ELOVL6: variants seen among roughly 807,000 people sequenced by gnomAD.
ELOVL6 encodes very long chain fatty acid elongase 6.
ELOVL6 carries 8 observed loss-of-function variants against 31.7 expected under a neutral mutation model. The ratio of observed to expected loss-of-function variants is 0.25; its 90% CI spans 0.15 to 0.45. The LOEUF is 0.45. Ranked by LOEUF, ELOVL6 falls within the 20% of genes least tolerant of loss-of-function variation. ELOVL6 has a pLI of 1.00. For missense variants in ELOVL6, 126 were observed against 326.4 expected (o/e 0.39, Z 4.73); for synonymous variants, 101 against 117.7 (o/e 0.86, Z 0.92).
At position 110,183,372 on chromosome 4, in the gene ELOVL6, C is replaced by T. The variant is rs576492753; in HGVS notation, c.89+14875G>A. 4.0e-4 allele frequency among the ~76,000 whole-genome samples: 61 copies of T among 152,274 alleles called. 1 individual carries two copies. The highest frequency in any genetic ancestry group is 8.5e-4 in the Admixed American group (13 of 15,300). On this transcript the variant is annotated intron_variant, in intron 1 of 3. Transcript: ENST00000302274. Reference sequence around the variant, plus strand: ...AATTCAAGTTGTCCTGCTTTCCGGGCAGAACCAATATATACCTCACATGTA... The same window carrying T: ...AATTCAAGTTGTCCTGCTTTCCGGGTAGAACCAATATATACCTCACATGTA...
chr4:110,173,701 AAT>A (rs869114438), intron 1 of ELOVL6, among the ~76,000 whole-genome samples: 2 of 121,180 alleles, frequency 1.7e-5, no homozygotes, highest in East Asian at 2.7e-4. Flanking sequence ...TAATAATAAT[AAT>A]AAATTCCTCG....
At chr4:110,186,822 A>ATATATATATAT (rs1491476869) in intron 1 of ELOVL6, among the ~76,000 whole-genome samples, 1 of 59,416 alleles carries the variant, frequency 1.7e-5, no homozygotes, top group African/African-American at 6.7e-5. Flanking sequence ...AAAAAAAAAA[A>ATATATATATAT]ATATATATAT....
chr4:110,139,626 T>C (rs898300231), intron 1 of ELOVL6, among the ~76,000 whole-genome samples: 1 of 152,198 alleles, frequency 6.6e-6, no homozygotes, highest in African/African-American at 2.4e-5. Context: ...TGACTTCCTC[T>C]TCTCATCAAC....
At chr4:110,067,688 A>G (rs569628272) in intron 2 of ELOVL6, among the ~76,000 whole-genome samples, 1 of 152,250 alleles carries the variant, frequency 6.6e-6, no homozygotes, top group Non-Finnish European at 1.5e-5. Flanking sequence ...AAGAACATCA[A>G]GATGCACGAT....
intron 1 of ELOVL6, among the ~76,000 whole-genome samples, chr4:110,143,937 C>G (rs1000650859): frequency 6.6e-6 from 1 of 151,624 alleles, no homozygotes; most frequent in African/African-American, 2.4e-5. Context: ...GTCTGTAATC[C>G]CAGCTACTCG....
intron 1 of ELOVL6, among the ~76,000 whole-genome samples, chr4:110,175,039 TA>T (rs1759059283): frequency 6.7e-6 from 1 of 150,112 alleles, no homozygotes; most frequent in African/African-American, 2.5e-5. Flanking sequence ...ATTTATAATT[TA>T]AAAAACTAAA....
At chr4:110,122,643 G>T (rs1418365714) in intron 1 of ELOVL6, among the ~76,000 whole-genome samples, 2 of 152,186 alleles carry the variant, frequency 1.3e-5, no homozygotes, top group African/African-American at 4.8e-5. Flanking sequence ...CTCCCAGAGT[G>T]CTGGGATTAC....
At chr4:110,071,860 T>C (rs1456789326) in intron 2 of ELOVL6, among the ~76,000 whole-genome samples, 1 of 152,220 alleles carries the variant, frequency 6.6e-6, no homozygotes, top group Non-Finnish European at 1.5e-5. Flanking sequence ...AATACAGGGA[T>C]ATACAGACCT....
chr4:110,197,859 A>G (rs527955703), intron 1 of ELOVL6: 19 of 248,706 alleles, frequency 7.6e-5, no homozygotes, highest in Middle Eastern at 2.9e-3. Context: ...CGGTTGCGGG[A>G]GAGGCCAAGC....
intron 1 of ELOVL6, among the ~76,000 whole-genome samples, chr4:110,186,565 A>C (rs114290391): frequency 0.032 from 4,835 of 151,830 alleles, 113 homozygotes; most frequent in Non-Finnish European, 0.045. Context: ...TAATCCCAGC[A>C]CTTCAGGAGG....
chr4:110,068,829 C>T lies in ELOVL6; in HGVS notation c.222-9075G>A, dbSNP rs367973717. Among the ~76,000 whole-genome samples the T allele has an allele frequency of 7.9e-5, 12 of 152,152 alleles. No individual in the cohort carries two copies. The East Asian group carries it at 1.4e-3, about 17-fold the overall frequency. ...ATAAAAACCACCTGGCAGAGTGAGG[C>T]GTGAGGAGGGGTGGAGAGATTATAA... On this transcript the variant is annotated intron_variant, in intron 2 of 3. Coordinates refer to ENST00000302274, the MANE Select transcript of ELOVL6 (RefSeq NM_024090.3).
intron 3 of ELOVL6, among the ~76,000 whole-genome samples, chr4:110,056,127 G>GGGT (rs1553953523): frequency 7.0e-6 from 1 of 142,708 alleles, no homozygotes; most frequent in Non-Finnish European, 1.5e-5. Flanking sequence ...GGAGCTGGGG[G>GGGT]GGGGGATACA....
At chr4:110,156,897 G>T (rs575519442) in intron 1 of ELOVL6, among the ~76,000 whole-genome samples, 22 of 152,258 alleles carry the variant, frequency 1.4e-4, no homozygotes, top group African/African-American at 4.6e-4. Context: ...AGTCCTCAAA[G>T]AAATCTTTCA....
chr4:110,073,592 T>C (rs924556676), intron 2 of ELOVL6, among the ~76,000 whole-genome samples: 5 of 152,226 alleles, frequency 3.3e-5, no homozygotes, highest in African/African-American at 9.6e-5. Context: ...AATGGCCTCA[T>C]AGCTGAACTC....
intron 2 of ELOVL6, among the ~76,000 whole-genome samples, chr4:110,079,052 T>C (rs1360541333): frequency 1.3e-5 from 2 of 152,146 alleles, no homozygotes; most frequent in Non-Finnish European, 2.9e-5. Flanking sequence ...ATCCTAAATA[T>C]ATATGCACTC....
At chr4:110,070,998 AT>A (rs1377651506) in intron 2 of ELOVL6, among the ~76,000 whole-genome samples, 2 of 152,330 alleles carry the variant, frequency 1.3e-5, no homozygotes, top group East Asian at 3.9e-4. Context: ...ATATAACATT[AT>A]CTGTATAGAG....
chr4:110,093,643 G>GT (rs1258030345), intron 2 of ELOVL6, among the ~76,000 whole-genome samples: 3 of 152,150 alleles, frequency 2.0e-5, no homozygotes, highest in Non-Finnish European at 2.9e-5. Context: ...ACAGTTGCTA[G>GT]TAAGTCTCTT....
At chr4:110,077,981 C>T (rs55837341) in intron 2 of ELOVL6, among the ~76,000 whole-genome samples, 16,796 of 151,984 alleles carry the variant, frequency 0.11, 1,146 homozygotes, top group East Asian at 0.3. Flanking sequence ...CTGGAAGAAA[C>T]GGTATCAGAG....
At chr4:110,084,195 T>TATATGATATATATATCATATAAC (rs1756072442) in intron 2 of ELOVL6, among the ~76,000 whole-genome samples, 1 of 52,870 alleles carries the variant, frequency 1.9e-5, no homozygotes, top group Non-Finnish European at 3.3e-5. Context: ...ACATATAACT[T>TATATGATATATATATCATATAAC]ATATGATATA....
Sources: gnomAD v4.1 joint callset for allele counts (sites outside exome capture counted in the v4.1 genomes callset) on GRCh38, gnomAD v4.1.1 for gene constraint, MANE v1.5 for transcripts, NCBI Gene and HGNC (gene_info 2026-07-23, HGNC 2026-07-21) for gene names.